USH2A: variants seen among roughly 807,000 people sequenced by gnomAD.
USH2A encodes usherin, also known as Usher syndrome 2A (autosomal recessive, mild).
A neutral mutation model predicts 538.9 loss-of-function variants in USH2A; 443 were observed. The observed-to-expected ratio is 0.82, with a 90% CI of 0.76 to 0.89. USH2A has a LOEUF of 0.89. Among genes scored for constraint, USH2A ranks in the 40% least tolerant of loss-of-function variants. USH2A has a pLI of 0.00. For missense variants in USH2A, 6,633 were observed against 6,324.8 expected, an observed-to-expected ratio of 1.05 and a Z score of -1.65; for synonymous variants, 2,413 against 2,273.5, an observed-to-expected ratio of 1.06 and a Z score of -1.75.
intron 3 of USH2A, among the ~76,000 whole-genome samples, chr1:216,380,882 T>C (rs1362067165): frequency 6.6e-6 from 1 of 152,178 alleles, no homozygotes; most frequent in Non-Finnish European, 1.5e-5. Flanking sequence ...TATTTCTATT[T>C]GTTTGTATAT....
At chr1:216,400,841 A>G (rs1025306555) in intron 3 of USH2A, among the ~76,000 whole-genome samples, 9 of 152,150 alleles carry the variant, frequency 5.9e-5, no homozygotes, top group African/African-American at 2.2e-4. Flanking sequence ...TCCAGCAAAA[A>G]TATCCTTTCG....
chr1:215,750,384 T>C (rs985125226), intron 58 of USH2A, among the ~76,000 whole-genome samples: 3 of 152,156 alleles, frequency 2.0e-5, no homozygotes, highest in African/African-American at 7.2e-5. Flanking sequence ...TTCCTCTTTG[T>C]AACTTTTAGG....
chr1:216,221,358 T>TG (rs200505473), intron 14 of USH2A, among the ~76,000 whole-genome samples: 1,794 of 152,310 alleles, frequency 0.012, 21 homozygotes, highest in Middle Eastern at 0.082. Context: ...TAGAGGAGTT[T>TG]GGTTTTCCCC....
intron 11 of USH2A, among the ~76,000 whole-genome samples, chr1:216,262,720 A>G (rs964840946): frequency 6.6e-6 from 1 of 152,084 alleles, no homozygotes; most frequent in African/African-American, 2.4e-5. Context: ...CAGATCCAGG[A>G]AGCTCAAAAG....
At chr1:216,402,344 T>C (rs2039319996) in intron 3 of USH2A, among the ~76,000 whole-genome samples, 1 of 152,114 alleles carries the variant, frequency 6.6e-6, no homozygotes, top group South Asian at 2.1e-4. Flanking sequence ...AAAGAAAATT[T>C]TGAAAACCTC....
At chr1:216,342,551 A>T (rs2102680460) in intron 4 of USH2A, among the ~76,000 whole-genome samples, 1 of 152,270 alleles carries the variant, frequency 6.6e-6, no homozygotes, top group African/African-American at 2.4e-5. Context: ...TGTTTACTGC[A>T]GCACTATTTA....
chr1:215,693,676 C>A (rs568313842), intron 61 of USH2A, among the ~76,000 whole-genome samples: 37 of 152,288 alleles, frequency 2.4e-4, no homozygotes, highest in Non-Finnish European at 2.4e-4. Context: ...GAAAAGAATA[C>A]TGAGACATGT....
intron 47 of USH2A, among the ~76,000 whole-genome samples, chr1:215,836,618 G>A (rs556439284): frequency 6.1e-5 from 7 of 115,400 alleles, no homozygotes; most frequent in African/African-American, 1.2e-4. Flanking sequence ...GTGCAGTGGC[G>A]TGATCTCGGC....
At chr1:216,174,314 C>T in intron 21 of USH2A, 4 of 977,008 alleles carry the variant, frequency 4.1e-6, no homozygotes, top group Non-Finnish European at 4.9e-6. Context: ...ATATCTTATA[C>T]TTTGTAAATT....
intron 30 of USH2A, among the ~76,000 whole-genome samples, chr1:216,059,585 C>T (rs1003314468): frequency 6.6e-6 from 1 of 152,006 alleles, no homozygotes; most frequent in African/African-American, 2.4e-5. Context: ...TTTACTTTTT[C>T]CTCCATCCCT....
chr1:215,836,466 A>G (rs1388287801), intron 47 of USH2A, among the ~76,000 whole-genome samples: 1 of 8,724 alleles, frequency 1.1e-4, no homozygotes, highest in Non-Finnish European at 2.1e-4. Context: ...TATATATATT[A>G]TATATATATA....
chr1:216,295,921 C>T (rs1173952410), intron 9 of USH2A, among the ~76,000 whole-genome samples: 1 of 151,990 alleles, frequency 6.6e-6, no homozygotes, highest in Non-Finnish European at 1.5e-5. Flanking sequence ...TGACATATTT[C>T]ATAATCATCA....
At chr1:215,912,393 G>T (rs1665808034) in intron 38 of USH2A, among the ~76,000 whole-genome samples, 1 of 150,324 alleles carries the variant, frequency 6.7e-6, no homozygotes, top group Non-Finnish European at 1.5e-5. Context: ...AGAGATAGGG[G>T]TCTAATTTTA....
intron 40 of USH2A, among the ~76,000 whole-genome samples, chr1:215,892,721 A>G (rs1665239659): frequency 6.6e-6 from 1 of 152,202 alleles, no homozygotes; most frequent in Non-Finnish European, 1.5e-5. Context: ...ACAAAAATTA[A>G]GAATGGGCAC....
At chr1:215,836,863 C>T (rs972277678) in intron 47 of USH2A, among the ~76,000 whole-genome samples, 2 of 151,398 alleles carry the variant, frequency 1.3e-5, no homozygotes, top group African/African-American at 2.4e-5. Context: ...ACCTTGCCTT[C>T]TATATTATTA....
chr1:216,120,091 G>T (rs1161269374), intron 21 of USH2A, among the ~76,000 whole-genome samples: 2 of 151,712 alleles, frequency 1.3e-5, no homozygotes, highest in East Asian at 3.9e-4. Flanking sequence ...AGTCATCCAG[G>T]ATTGCTTAAC....
intron 10 of USH2A, among the ~76,000 whole-genome samples, chr1:216,289,802 G>A (rs1238318317): frequency 1.3e-5 from 2 of 152,130 alleles, no homozygotes; most frequent in Non-Finnish European, 2.9e-5. Flanking sequence ...TAAGAAGCAA[G>A]CAGGTATGTA....
chr1:216,299,131 C>T (rs1351474689), intron 9 of USH2A, among the ~76,000 whole-genome samples: 3 of 151,944 alleles, frequency 2.0e-5, no homozygotes, highest in Non-Finnish European at 4.4e-5. Context: ...CGTGAGCCAC[C>T]GTGCCTGTCC....
intron 38 of USH2A, among the ~76,000 whole-genome samples, chr1:215,926,564 T>A (rs982151764): frequency 2.0e-5 from 3 of 151,058 alleles, no homozygotes; most frequent in Non-Finnish European, 4.4e-5. Context: ...TCTGCCACTT[T>A]GGAAGCGTGT....
Sources: gnomAD v4.1 joint callset for allele counts (sites outside exome capture counted in the v4.1 genomes callset) on GRCh38, gnomAD v4.1.1 for gene constraint, MANE v1.5 for transcripts, NCBI Gene and HGNC (gene_info 2026-07-23, HGNC 2026-07-21) for gene names.